CATSPERD: variants seen among roughly 807,000 people sequenced by gnomAD.
CATSPERD encodes cation channel sperm-associated auxiliary subunit delta.
A neutral mutation model predicts 98.1 loss-of-function variants in CATSPERD; 86 were observed. The ratio of observed to expected loss-of-function variants is 0.88; its 90% CI spans 0.74 to 1.05. The LOEUF (loss-of-function observed/expected upper bound fraction) is 1.05. CATSPERD is among the 50% of genes least tolerant of loss of function. The pLI is 0.00. For missense variants in CATSPERD, 995 were observed against 1,005.7 expected (o/e 0.99, Z 0.14); for synonymous variants, 394 against 390.2 (o/e 1.01, Z -0.12).
At chr19:5,746,792 C>T (rs2056103181) in intron 9 of CATSPERD, among the ~76,000 whole-genome samples, 1 of 135,826 alleles carries the variant, frequency 7.4e-6, no homozygotes, top group Non-Finnish European at 1.6e-5. Context: ...AGTTCATGCA[C>T]AGTAAAGTTC....
intron 10 of CATSPERD, among the ~76,000 whole-genome samples, 187 bp from the exon 11 acceptor site, chr19:5,748,914 A>G (rs2056150182): frequency 6.6e-6 from 1 of 151,172 alleles, no homozygotes; most frequent in Non-Finnish European, 1.5e-5. Context: ...TTTTTAGTAG[A>G]AAAAGAGGAT....
At chr19:5,728,219 G>A (rs1485437477) in intron 3 of CATSPERD, among the ~76,000 whole-genome samples, 9 of 151,518 alleles carry the variant, frequency 5.9e-5, no homozygotes, top group Admixed American at 4.0e-4. Flanking sequence ...TTAGCTGGGC[G>A]TGATGGCGCC....
chr19:5,753,151 A>AC (rs2056253011), intron 12 of CATSPERD, among the ~76,000 whole-genome samples: 1 of 152,054 alleles, frequency 6.6e-6, no homozygotes, highest in South Asian at 2.1e-4. Flanking sequence ...GAGCCACTAA[A>AC]CCCAGCCAAC....
intron 17 of CATSPERD, among the ~76,000 whole-genome samples, chr19:5,767,698 A>G (rs915903223): frequency 6.6e-6 from 1 of 151,530 alleles, no homozygotes; most frequent in African/African-American, 2.4e-5. Flanking sequence ...CGTGTTAGCC[A>G]GGATGGCCTC....
chr19:5,778,697 A>C lies in CATSPERD; in HGVS notation c.*21A>C. On this transcript the variant is annotated 3_prime_UTR_variant, in exon 22 of 22. Transcript: ENST00000381624. Reference sequence around the variant, plus strand: ...ACTGAGGCCGGTCCACAGGGTCCCAACCCCTTGTCTTCAAATAAAGTATAA... The same window carrying C: ...ACTGAGGCCGGTCCACAGGGTCCCACCCCCTTGTCTTCAAATAAAGTATAA... The C allele has an allele frequency of 6.3e-7, 1 of 1,587,654 alleles. No homozygotes were observed. The highest frequency in any genetic ancestry group is 1.1e-5 in the South Asian group (1 of 88,592).
intron 3 of CATSPERD, among the ~76,000 whole-genome samples, chr19:5,729,405 G>A (rs2055671193): frequency 6.6e-6 from 1 of 152,166 alleles, no homozygotes; most frequent in East Asian, 1.9e-4. Flanking sequence ...GGCCAACTCA[G>A]TAATTCTTTT....
intron 9 of CATSPERD, among the ~76,000 whole-genome samples, chr19:5,747,534 CA>C (rs1344699888): frequency 6.6e-6 from 1 of 150,700 alleles, no homozygotes; most frequent in African/African-American, 2.4e-5. Context: ...CCCTGGTTGA[CA>C]AAAAACTCAA....
chr19:5,758,430 G>A (rs1165019607), intron 14 of CATSPERD, among the ~76,000 whole-genome samples: 1 of 152,008 alleles, frequency 6.6e-6, no homozygotes, highest in Non-Finnish European at 1.5e-5. Context: ...GGTGGGACTA[G>A]AACAGAGCAG....
At chr19:5,772,568 G>C in intron 19 of CATSPERD, 1 of 549,688 alleles carries the variant, frequency 1.8e-6, no homozygotes, top group East Asian at 3.2e-5. Flanking sequence ...AATGCTCAGT[G>C]CTGGCTGCTG....
chr19:5,725,181 T>G (rs1027312470), intron 2 of CATSPERD, among the ~76,000 whole-genome samples: 2 of 152,184 alleles, frequency 1.3e-5, no homozygotes, highest in African/African-American at 4.8e-5. Context: ...AGACAGGGTC[T>G]TGCACTGTTG....
rs556363907 is a variant in CATSPERD at position 5,733,629 on chromosome 19, G to A, written c.277-227G>A. ...CTGCTGCCACAACTGGCTAATTTTC[G>A]TATTTTTAGTAGAGACGGGGTTTCA... On this transcript the variant is annotated intron_variant, in intron 4 of 21. Transcript: ENST00000381624. Among the ~76,000 whole-genome samples the A allele has an allele frequency of 4.1e-4, 63 of 151,878 alleles. No individual in the cohort carries two copies. The East Asian group carries it at 9.5e-3, about 23-fold the overall frequency.
intron 7 of CATSPERD, among the ~76,000 whole-genome samples, 157 bp downstream of exon 7, chr19:5,739,596 C>A (rs1172305613): frequency 1.3e-5 from 2 of 151,860 alleles, no homozygotes; most frequent in Admixed American, 1.3e-4. Flanking sequence ...CTTTGGGAGG[C>A]TGAGGCAGGA....
chr19:5,722,177 A>C (rs2055499383), intron 1 of CATSPERD, among the ~76,000 whole-genome samples: 1 of 151,536 alleles, frequency 6.6e-6, no homozygotes, highest in South Asian at 2.1e-4. Flanking sequence ...GCTGGAGTAC[A>C]ATGTCACGGT....
At chr19:5,775,105 C>A in intron 20 of CATSPERD, 1 of 357,146 alleles carries the variant, frequency 2.8e-6, no homozygotes, top group Non-Finnish European at 5.8e-6. Context: ...GGCCTGAAAG[C>A]AGGCATGTGG....
intron 19 of CATSPERD, chr19:5,772,056 T>TTTC (rs1199681669): frequency 6.3e-6 from 1 of 159,312 alleles, no homozygotes; most frequent in Non-Finnish European, 1.4e-5. Flanking sequence ...TTTTTTCTTT[T>TTTC]TTTTTTTTTG....
Position 5,763,253 on chromosome 19 carries a change from T to C in CATSPERD, c.1466T>C (p.Ile489Thr), listed in dbSNP as rs775543468. The C allele has an allele frequency of 2.9e-5, 47 of 1,614,012 alleles. No homozygotes were observed. Among genetic ancestry groups the C allele is most frequent in the Non-Finnish European group, 3.9e-5 (46 of 1,180,022 alleles). ...ACCATGTCTACCTTAACTGTGGACATAGCAAACAAGGAAATTTCATGTGTG... is the reference window on the plus strand; with the variant it reads ...ACCATGTCTACCTTAACTGTGGACACAGCAAACAAGGAAATTTCATGTGTG... ...KATMSTLTVD[I>T]ANKEISCVDI... The change falls in exon 16 of 22, where the codon ATA becomes ACA. Residue 489 changes from isoleucine (I) to threonine (T), a missense_variant. Transcript: ENST00000381624.
At chr19:5,727,460 C>A in intron 3 of CATSPERD, 116 bp downstream of exon 3, 1 of 784,130 alleles carries the variant, frequency 1.3e-6, no homozygotes, top group Non-Finnish European at 2.2e-6. Context: ...TTGCTAGTTG[C>A]TGGCCTGTAG....
At chr19:5,728,131 G>A (rs1391967438) in intron 3 of CATSPERD, among the ~76,000 whole-genome samples, 2 of 151,518 alleles carry the variant, frequency 1.3e-5, no homozygotes, top group Non-Finnish European at 2.9e-5. Flanking sequence ...AGGCCGAGGT[G>A]GGGGGATCAC....
Position 5,720,643 on chromosome 19 carries a change from G to A in CATSPERD, c.-95G>A, listed in dbSNP as rs375603514. The A allele has an allele frequency of 4.8e-6, 6 of 1,245,162 alleles. No individual in the cohort carries two copies. The highest frequency in any genetic ancestry group is 1.1e-6 in the Non-Finnish European group (1 of 879,700). 77.1% of individuals were successfully genotyped at this position (1,245,162 alleles called of 1,614,324 possible). On this transcript the variant is annotated 5_prime_UTR_variant, in exon 1 of 22. The change abolishes an upstream ATG in the 5' untranslated region. Transcript: ENST00000381624. ...AGGCCCGCTCCCGGGACTCATTGAT[G>A]CGCATGCGCAGGGCTTCAGCCTGCA...
Sources: gnomAD v4.1 joint callset for allele counts (sites outside exome capture counted in the v4.1 genomes callset) on GRCh38, gnomAD v4.1.1 for gene constraint, MANE v1.5 for transcripts, NCBI Gene and HGNC (gene_info 2026-07-23, HGNC 2026-07-21) for gene names.